The following ABCB5 variants were observed in gnomAD, a reference collection of about 807,000 sequenced individuals.
ABCB5 encodes the protein ATP-binding cassette sub-family B member 5.
A neutral mutation model predicts 144.2 loss-of-function variants in ABCB5; 155 were observed. The observed-to-expected ratio is 1.08, with a 90% confidence interval of 0.94 to 1.23. The LOEUF is 1.23. ABCB5 is among the 50% of genes most tolerant of loss of function. The probability of loss-of-function intolerance (pLI) is 0.00; values close to 1 mark genes in which losing one functional copy is unlikely to be tolerated. For synonymous variants in ABCB5, 610 were observed against 528.6 expected, an observed-to-expected ratio of 1.15 and a Z score of -2.11; for missense variants, 1,830 against 1,520.8, an observed-to-expected ratio of 1.20 and a Z score of -3.38.
Position 20,658,544 on chromosome 7 carries a change from G to T in ABCB5, c.1575G>T (p.Met525Ile). ...TGGTAGGGGAAAAAGGAGCTCAAATGAGTGGAGGGCAGAAACAGAGGATCG... is the reference window on the plus strand; with the variant it reads ...TGGTAGGGGAAAAAGGAGCTCAAATTAGTGGAGGGCAGAAACAGAGGATCG... The part of the protein sequence containing the change: ...NTLVGEKGAQ[M>I]SGGQKQRIAI... The change falls in exon 14 of 28, where the codon ATG (methionine) becomes ATT (isoleucine). Residue 525 changes from methionine (M) to isoleucine (I), a missense_variant. By Grantham distance (10) the Met-to-Ile change is conservative. Transcript: ENST00000404938. 6.2e-7 allele frequency: 1 copy of T among 1,614,160 alleles called. No homozygotes were observed. The highest frequency in any genetic ancestry group is 1.1e-5 in the South Asian group (1 of 91,082).
chr7:20,753,062 G>A (rs1782981129), intron 26 of ABCB5, among the ~76,000 whole-genome samples: 1 of 152,180 alleles, frequency 6.6e-6, no homozygotes, highest in African/African-American at 2.4e-5. Flanking sequence ...TGTTTACTGT[G>A]AACTTGTTTC....
chr7:20,667,682 TG>T (rs1747190769), intron 14 of ABCB5: 1 of 1,670 alleles, frequency 6.0e-4, no homozygotes, highest in Non-Finnish European at 1.0e-3. Flanking sequence ...CCCCTGCCCC[TG>T]CCCCTGCCCC....
chr7:20,708,090 C>T (rs1786880822), intron 20 of ABCB5, among the ~76,000 whole-genome samples: 1 of 152,046 alleles, frequency 6.6e-6, no homozygotes, highest in Admixed American at 6.5e-5. Context: ...AGGCGTGAGC[C>T]ACCGCGCCCG....
chr7:20,725,152 T>C (rs1781996059), intron 21 of ABCB5, among the ~76,000 whole-genome samples: 1 of 152,222 alleles, frequency 6.6e-6, no homozygotes, highest in Non-Finnish European at 1.5e-5. Flanking sequence ...AAATAGTCAA[T>C]TGGAGGCATT....
At chr7:20,734,643 A>C (rs925972570) in intron 23 of ABCB5, among the ~76,000 whole-genome samples, 2 of 151,878 alleles carry the variant, frequency 1.3e-5, no homozygotes, top group African/African-American at 4.8e-5. Flanking sequence ...TAGAGGAAAA[A>C]GCCTCTAAAA....
At chr7:20,696,169 T>C (rs1436766693) in intron 16 of ABCB5, among the ~76,000 whole-genome samples, 1 of 152,062 alleles carries the variant, frequency 6.6e-6, no homozygotes, top group Admixed American at 6.6e-5. Flanking sequence ...CACTCAAATT[T>C]ATATCAACAG....
intron 13 of ABCB5, among the ~76,000 whole-genome samples, chr7:20,655,089 G>C (rs1784731735): frequency 4.2e-5 from 5 of 118,086 alleles, no homozygotes; most frequent in African/African-American, 1.5e-4. Context: ...TGAAAAAAGA[G>C]AGAGAGAGAG....
chr7:20,729,105 G>C (rs1415639097), intron 23 of ABCB5, among the ~76,000 whole-genome samples: 1 of 152,140 alleles, frequency 6.6e-6, no homozygotes, highest in Non-Finnish European at 1.5e-5. Flanking sequence ...GGGATGTTCT[G>C]ATATATGTTA....
chr7:20,629,126 CAAAG>C (rs1021586055), intron 4 of ABCB5, among the ~76,000 whole-genome samples: 4 of 118,662 alleles, frequency 3.4e-5, no homozygotes, highest in Non-Finnish European at 5.5e-5. Context: ...GCGTTAGAAA[CAAAG>C]AGAGAGAGAG....
intron 14 of ABCB5, among the ~76,000 whole-genome samples, chr7:20,669,740 A>AAAAAAAAAAAAAG (rs1562553149): frequency 8.1e-6 from 1 of 124,118 alleles, no homozygotes; most frequent in African/African-American, 3.0e-5. Context: ...AAAAAAAAAA[A>AAAAAAAAAAAAAG]AAAGAAAATA....
At chr7:20,755,362 T>C in intron 27 of ABCB5, 65 bp from the exon 28 acceptor site, 1 of 1,465,192 alleles carries the variant, frequency 6.8e-7, no homozygotes, top group African/African-American at 1.4e-5. Flanking sequence ...CTTAATTGAT[T>C]TGACTTAGGT....
chr7:20,715,352 A>C (rs6962189), intron 20 of ABCB5, among the ~76,000 whole-genome samples: 111,426 of 151,648 alleles, frequency 0.73, 42,307 homozygotes, highest in East Asian at 0.95. Context: ...GGCCTCTACT[A>C]CTTACTTCAT....
At chr7:20,618,922 G>A (rs909312247) in intron 1 of ABCB5, among the ~76,000 whole-genome samples, 2 of 151,690 alleles carry the variant, frequency 1.3e-5, no homozygotes, top group African/African-American at 4.8e-5. Context: ...CTACAGGCAT[G>A]TACCACCATG....
At chr7:20,659,154 C>G in intron 14 of ABCB5, 1 of 1,613,722 alleles carries the variant, frequency 6.2e-7, no homozygotes, top group Non-Finnish European at 8.5e-7. Context: ...GCTCTGGCCC[C>G]TCAAACCTCA....
intron 5 of ABCB5, among the ~76,000 whole-genome samples, chr7:20,635,072 T>A (rs1784124782): frequency 6.6e-6 from 1 of 152,146 alleles, no homozygotes; most frequent in South Asian, 2.1e-4. Context: ...CTTTAGTTGA[T>A]GTTTGTATAT....
At chr7:20,679,090 G>A (rs538776859) in intron 14 of ABCB5, among the ~76,000 whole-genome samples, 3 of 152,102 alleles carry the variant, frequency 2.0e-5, no homozygotes, top group Non-Finnish European at 2.9e-5. Flanking sequence ...TACACAAAAA[G>A]CATAAATTGT....
chr7:20,645,694 A>T, intron 7 of ABCB5, 62 bp from the exon 8 acceptor site: 1 of 1,565,334 alleles, frequency 6.4e-7, no homozygotes, highest in Non-Finnish European at 8.7e-7. Flanking sequence ...GCCTGACTTA[A>T]ATGTTCAGAA....
intron 20 of ABCB5, among the ~76,000 whole-genome samples, chr7:20,708,361 A>C (rs189876420): frequency 1.4e-4 from 22 of 152,256 alleles, no homozygotes; most frequent in African/African-American, 2.9e-4. Flanking sequence ...TTTTCAAGCA[A>C]GGTGCAGTGG....
At chr7:20,712,564 T>C (rs1198718319) in intron 20 of ABCB5, among the ~76,000 whole-genome samples, 1 of 149,844 alleles carries the variant, frequency 6.7e-6, no homozygotes, top group Non-Finnish European at 1.5e-5. Flanking sequence ...TTCATTTTTT[T>C]CTGCATTTAT....
Sources: allele counts gnomAD v4.1 joint callset (sites outside exome capture counted in the v4.1 genomes callset), GRCh38; gene constraint gnomAD v4.1.1; transcripts MANE v1.5; gene names NCBI Gene and HGNC (gene_info 2026-07-23, HGNC 2026-07-21).